The following LRP1B variants were observed in gnomAD, a reference collection of about 807,000 sequenced individuals.
The protein encoded by LRP1B is low-density lipoprotein receptor-related protein 1B.
In LRP1B, 217 loss-of-function variants were observed where a neutral mutation model predicts 556.6. The observed-to-expected ratio is 0.39, with a 90% CI of 0.35 to 0.44. LRP1B has a LOEUF of 0.44. LRP1B is among the 20% of genes least tolerant of loss of function. The pLI is 1.00. For missense variants in LRP1B, 5,053 were observed against 5,620.8 expected (o/e 0.90, Z 3.23); for synonymous variants, 2,047 against 1,865.8 (o/e 1.10, Z -2.50).
intron 86 of LRP1B, among the ~76,000 whole-genome samples, chr2:140,261,115 G>C (rs1427012069): frequency 6.6e-6 from 1 of 151,364 alleles, no homozygotes; most frequent in African/African-American, 2.4e-5. Context: ...TTAACAATAG[G>C]TTTTCTGTTA....
intron 1 of LRP1B, among the ~76,000 whole-genome samples, chr2:141,831,207 A>C (rs1697101905): frequency 6.6e-6 from 1 of 151,728 alleles, no homozygotes; most frequent in African/African-American, 2.4e-5. Flanking sequence ...AAGGACTAAA[A>C]GTAGTCACTT....
intron 86 of LRP1B, among the ~76,000 whole-genome samples, chr2:140,256,147 T>G (rs1377744778): frequency 6.6e-6 from 1 of 152,118 alleles, no homozygotes; most frequent in Non-Finnish European, 1.5e-5. Flanking sequence ...AATGATTATT[T>G]TAAATTTAAG....
intron 35 of LRP1B, among the ~76,000 whole-genome samples, chr2:140,717,519 T>G (rs1196382404): frequency 6.6e-6 from 1 of 152,110 alleles, no homozygotes; most frequent in Admixed American, 6.6e-5. Context: ...TTTTGAATAC[T>G]TGAATGAAAA....
At chr2:140,688,530 G>C (rs1289344802) in intron 41 of LRP1B, among the ~76,000 whole-genome samples, 7 of 152,134 alleles carry the variant, frequency 4.6e-5, no homozygotes, top group Admixed American at 4.6e-4. Context: ...GGAGCTTCTG[G>C]AAATAGGATA....
chr2:140,981,675 A>T (rs1422320063), intron 18 of LRP1B, among the ~76,000 whole-genome samples: 1 of 152,184 alleles, frequency 6.6e-6, no homozygotes, highest in Non-Finnish European at 1.5e-5. Context: ...GTCAGTCAGA[A>T]TCATACGACT....
At position 140,867,817 on chromosome 2, in the gene LRP1B, G is replaced by A. The variant is rs2105154386; in HGVS notation, c.4352C>T (p.Ser1451Leu). The A allele has an allele frequency of 6.4e-7, 1 of 1,559,420 alleles. No individual in the cohort carries two copies. The highest frequency in any genetic ancestry group is 2.3e-5 in the East Asian group (1 of 43,522). ...CATGTTTGTTCCATCATAGAGGGCT[G>A]AATAAATAGCATCTGACCTACAGAA... Reference protein sequence around the residue: ...WTDARSDAIYSALYDGTNMIE... With the variant: ...WTDARSDAIYLALYDGTNMIE... Residue 1451 changes from serine (S) to leucine (L), a missense_variant, in exon 27 of 91, where the codon TCA (serine) becomes TTA (leucine). Around this residue, in one of 5 missense-constraint regions of LRP1B, gnomAD observed 3,619 missense variants for 3,931.9 expected, o/e 0.92. Transcript: ENST00000389484.
intron 1 of LRP1B, among the ~76,000 whole-genome samples, chr2:142,091,201 A>G (rs751877704): frequency 3.9e-5 from 6 of 152,104 alleles, no homozygotes; most frequent in Admixed American, 1.3e-4. Context: ...TACAACTTCT[A>G]TTTTCAGAGA....
At chr2:141,924,852 G>A (rs2033631) in intron 1 of LRP1B, among the ~76,000 whole-genome samples, 131,273 of 152,206 alleles carry the variant, frequency 0.86, 56,767 homozygotes, top group East Asian at 1. Flanking sequence ...TCCTATGGCA[G>A]TGGGTGGAAG....
intron 25 of LRP1B, among the ~76,000 whole-genome samples, chr2:140,868,591 A>T (rs1693025926): frequency 6.6e-6 from 1 of 152,166 alleles, no homozygotes; most frequent in African/African-American, 2.4e-5. Context: ...TGAGGAGAGC[A>T]GTATAAAGAG....
intron 11 of LRP1B, among the ~76,000 whole-genome samples, chr2:141,020,547 C>T (rs1378431087): frequency 1.3e-5 from 2 of 152,056 alleles, no homozygotes; most frequent in African/African-American, 2.4e-5. Context: ...TCTGAGTAAT[C>T]GAAATAATAT....
intron 3 of LRP1B, among the ~76,000 whole-genome samples, chr2:141,389,483 A>G (rs1689965632): frequency 6.6e-6 from 1 of 152,198 alleles, no homozygotes; most frequent in African/African-American, 2.4e-5. Context: ...AGTGAACCAA[A>G]GAGTTAAACA....
At position 140,984,700 on chromosome 2, in the gene LRP1B, G is replaced by A. The variant is rs529313025; in HGVS notation, c.2771-2424C>T. On this transcript the variant is annotated intron_variant, in intron 17 of 90. Coordinates refer to ENST00000389484, the MANE Select transcript of LRP1B (RefSeq NM_018557.3). ...TTACCTCATTAACTCTGAAGCTGGA[G>A]GAACTGTTATGACCTATTATTCCAA... Among the ~76,000 whole-genome samples, 88 of 152,150 alleles carry A rather than the reference G, an allele frequency of 5.8e-4. 1 individual carries two copies. In the South Asian group the frequency reaches 0.018, roughly 30 times the overall value.
At chr2:140,811,924 CAA>C (rs1268113457) in intron 32 of LRP1B, among the ~76,000 whole-genome samples, 1 of 151,760 alleles carries the variant, frequency 6.6e-6, no homozygotes, top group African/African-American at 2.4e-5. Context: ...AGAAATTGCC[CAA>C]AGACTCAAAA....
intron 43 of LRP1B, among the ~76,000 whole-genome samples, chr2:140,569,695 C>T (rs2105102160): frequency 6.6e-6 from 1 of 151,916 alleles, no homozygotes; most frequent in Non-Finnish European, 1.5e-5. Flanking sequence ...CCAAATGGAC[C>T]TAACAGACAT....
At chr2:140,241,407 T>C (rs910571766) in intron 87 of LRP1B, among the ~76,000 whole-genome samples, 15 of 150,942 alleles carry the variant, frequency 9.9e-5, no homozygotes, top group Admixed American at 9.3e-4. Flanking sequence ...AAAATACCTA[T>C]CAATATAGTT....
At chr2:141,346,320 T>C (rs1688257927) in intron 3 of LRP1B, among the ~76,000 whole-genome samples, 1 of 152,108 alleles carries the variant, frequency 6.6e-6, no homozygotes, top group Non-Finnish European at 1.5e-5. Context: ...GTGCCAGTTC[T>C]GGGATTCATT....
intron 5 of LRP1B, among the ~76,000 whole-genome samples, chr2:141,240,538 A>G (rs1439846514): frequency 6.6e-6 from 1 of 152,050 alleles, no homozygotes; most frequent in Admixed American, 6.6e-5. Flanking sequence ...ATAAATTTAA[A>G]TGTGCTCCCT....
chr2:141,815,492 A>C (rs773915069), intron 1 of LRP1B, among the ~76,000 whole-genome samples: 2 of 152,058 alleles, frequency 1.3e-5, no homozygotes, highest in African/African-American at 4.8e-5. Flanking sequence ...ACCAATCAGC[A>C]CTCTGTAGCT....
At chr2:141,211,295 CTTTT>C (rs142787085) in intron 6 of LRP1B, among the ~76,000 whole-genome samples, 6,025 of 124,516 alleles carry the variant, frequency 0.048, 149 homozygotes, top group African/African-American at 0.065. Context: ...GCCCATTTTT[CTTTT>C]TTTTTAAAAA....
Sources: gnomAD v4.1 joint callset for allele counts (sites outside exome capture counted in the v4.1 genomes callset) on GRCh38, gnomAD v4.1.1 for gene constraint, gnomAD v4.1.1 regional missense constraint, MANE v1.5 for transcripts, NCBI Gene and HGNC (gene_info 2026-07-23, HGNC 2026-07-21) for gene names.